Variants in C21orf58 observed in about 807,000 individuals in gnomAD.
The protein encoded by C21orf58 is chromosome 21 open reading frame 58.
Under a neutral mutation model 35.8 loss-of-function variants are expected in C21orf58, and 34 were observed. That is an observed-to-expected ratio of 0.95 (90% confidence interval 0.72 to 1.26). The LOEUF (loss-of-function observed/expected upper bound fraction) is 1.26. Ranked by LOEUF, C21orf58 falls within the 50% of genes most tolerant of loss-of-function variation. The pLI is 0.00. For missense variants in C21orf58, 440 were observed against 414.3 expected, an observed-to-expected ratio of 1.06 and a Z score of -0.54; for synonymous variants, 191 against 175.8, an observed-to-expected ratio of 1.09 and a Z score of -0.68.
intron 1 of C21orf58, among the ~76,000 whole-genome samples, chr21:46,321,498 T>C (rs1331801109): frequency 6.6e-6 from 1 of 152,260 alleles, no homozygotes; most frequent in African/African-American, 2.4e-5. Flanking sequence ...GTTATGTGTC[T>C]TTAGGCTCCT....
intron 6 of C21orf58, among the ~76,000 whole-genome samples, chr21:46,304,183 C>G (rs1228948567): frequency 6.6e-6 from 1 of 150,786 alleles, no homozygotes; most frequent in East Asian, 2.0e-4. Context: ...CCCGCCACCA[C>G]GCCCGGCTAA....
In C21orf58 at chr21:46,312,038, CCCAA is replaced by C. The variant is rs962110261; in HGVS notation, c.610-475_610-472del. Among the ~76,000 whole-genome samples, 430 of 128,132 alleles carry C rather than the reference CCCAA, an allele frequency of 3.4e-3. 1 individual carries two copies. Among genetic ancestry groups the C allele is most frequent in the Non-Finnish European group, 5.5e-3 (339 of 61,312 alleles). The allele number at this position is 128,132 out of a possible 152,430, so 84.1% of individuals were successfully genotyped here. On this transcript the variant is annotated intron_variant, in intron 5 of 7. Coordinates refer to ENST00000291691, the MANE Select transcript of C21orf58 (RefSeq NM_058180.5). ...ATCCACCCATCCACCCATCCACCTA[CCCAA>C]CCAACCAACCAACCAACCACCCACC...
At position 46,301,444 on chromosome 21, in the gene C21orf58, A is replaced by T; in HGVS notation, c.*555T>A. On this transcript the variant is annotated 3_prime_UTR_variant, in exon 8 of 8. Coordinates refer to ENST00000291691, the MANE Select transcript of C21orf58 (RefSeq NM_058180.5). ...TTACAGGCATGAGCCATGCACCCCT[A>T]CTTCTTTAGTGGGAGTCTGTGCCAC... 1 of 974,916 alleles carries T rather than the reference A, an allele frequency of 1.0e-6. No homozygotes were observed. The highest frequency in any genetic ancestry group is 4.8e-5 in the South Asian group (1 of 20,968). The allele number at this position is 974,916 out of a possible 1,614,324, so 60.4% of individuals were successfully genotyped here. A position where few individuals can be genotyped will look rare whatever the true frequency, so the allele number is the denominator to read the frequency against.
chr21:46,314,992 G>A (rs542506539), intron 4 of C21orf58, 112 bp from the exon 5 acceptor site: 22 of 1,549,822 alleles, frequency 1.4e-5, no homozygotes, highest in East Asian at 9.8e-5. Flanking sequence ...GCGCCTCTCC[G>A]GGCAGGATGG....
intron 6 of C21orf58, among the ~76,000 whole-genome samples, chr21:46,305,398 C>G (rs1423076825): frequency 6.9e-6 from 1 of 145,108 alleles, no homozygotes; most frequent in African/African-American, 2.6e-5. Flanking sequence ...GGTGTGAACA[C>G]AGCTCACTGC....
At chr21:46,308,978 T>C (rs917685258) in intron 6 of C21orf58, among the ~76,000 whole-genome samples, 1 of 152,108 alleles carries the variant, frequency 6.6e-6, no homozygotes, top group Non-Finnish European at 1.5e-5. Context: ...AACCTTGCAC[T>C]CCCCAGTCTC....
At chr21:46,319,327 GA>G (rs1423355239) in intron 1 of C21orf58, among the ~76,000 whole-genome samples, 1 of 152,206 alleles carries the variant, frequency 6.6e-6, no homozygotes, top group African/African-American at 2.4e-5. Context: ...AAGTCAGCAT[GA>G]AACCAGGCCT....
chr21:46,315,452 G>T, intron 4 of C21orf58, 22 bp downstream of exon 4: 2 of 1,493,418 alleles, frequency 1.3e-6, no homozygotes, highest in African/African-American at 1.4e-5. Context: ...AGCCAGGTTC[G>T]CTCAGAGGGT....
intron 6 of C21orf58, among the ~76,000 whole-genome samples, chr21:46,304,782 T>G (rs1461346320): frequency 6.6e-6 from 1 of 152,178 alleles, no homozygotes; most frequent in Non-Finnish European, 1.5e-5. Context: ...TGTGCAGATG[T>G]AAGCCTGGAA....
At chr21:46,300,867 C>A (rs112739396), downstream of C21orf58, 2 of 1,080,628 alleles carry the variant, frequency 1.9e-6, no homozygotes, top group Non-Finnish European at 1.2e-6. Flanking sequence ...AGCAAAGAAA[C>A]ATAATTGCAC....
intron 5 of C21orf58, among the ~76,000 whole-genome samples, chr21:46,313,770 T>C (rs1030837161): frequency 6.6e-5 from 10 of 152,278 alleles, no homozygotes; most frequent in African/African-American, 2.4e-4. Flanking sequence ...CTTCCCTCTG[T>C]ACCCTCCACC....
intron 6 of C21orf58, among the ~76,000 whole-genome samples, chr21:46,309,461 C>CA (rs1231165345): frequency 0.024 from 2,152 of 90,196 alleles, 20 homozygotes; most frequent in Middle Eastern, 0.1. Flanking sequence ...GACTCCGTCT[C>CA]AAAAAAAAAA....
intron 1 of C21orf58, among the ~76,000 whole-genome samples, chr21:46,321,683 G>T (rs2083160129): frequency 6.6e-6 from 1 of 152,172 alleles, no homozygotes; most frequent in Non-Finnish European, 1.5e-5. Context: ...CATCACATCA[G>T]GGACACACAC....
intron 5 of C21orf58, chr21:46,312,982 C>T: frequency 1.0e-6 from 1 of 985,406 alleles, no homozygotes; most frequent in Non-Finnish European, 1.2e-6. Context: ...CATGAAAGGC[C>T]TTCTGTTTTA....
chr21:46,300,570 A>T, downstream of C21orf58: 3 of 1,016,618 alleles, frequency 3.0e-6, no homozygotes, highest in Non-Finnish European at 3.7e-6. Context: ...GAGGCACGAA[A>T]AGATGGTTCT....
At chr21:46,322,167 A>T (rs550927386) in intron 1 of C21orf58, among the ~76,000 whole-genome samples, 1 of 152,016 alleles carries the variant, frequency 6.6e-6, no homozygotes, top group East Asian at 1.9e-4. Flanking sequence ...TGTGCCTGTA[A>T]TTCCAGCTGC....
At chr21:46,308,305 A>G (rs2082516264) in intron 6 of C21orf58, among the ~76,000 whole-genome samples, 1 of 151,998 alleles carries the variant, frequency 6.6e-6, no homozygotes, top group South Asian at 2.1e-4. Context: ...TACTAAAAAT[A>G]CAAAAATCAG....
chr21:46,313,813 CA>C (rs2082848290), intron 5 of C21orf58, among the ~76,000 whole-genome samples: 1 of 152,166 alleles, frequency 6.6e-6, no homozygotes, highest in African/African-American at 2.4e-5. Context: ...TCCCAAAGGG[CA>C]AAAGCCTTCC....
chr21:46,321,505 TC>T (rs1167919719), intron 1 of C21orf58, among the ~76,000 whole-genome samples: 1 of 152,232 alleles, frequency 6.6e-6, no homozygotes, highest in African/African-American at 2.4e-5. Context: ...GTCTTTAGGC[TC>T]CTTCTCAGAC....
Sources: allele counts gnomAD v4.1 joint callset (sites outside exome capture counted in the v4.1 genomes callset), GRCh38; gene constraint gnomAD v4.1.1; transcripts MANE v1.5; gene names NCBI Gene and HGNC (gene_info 2026-07-23, HGNC 2026-07-21).